TTC17: variants seen among roughly 807,000 people sequenced by gnomAD.
The protein encoded by TTC17 is tetratricopeptide repeat domain 17, also known as tetratricopeptide repeat protein 17.
Under a neutral mutation model 143.8 loss-of-function variants are expected in TTC17, and 58 were observed. That is an observed-to-expected ratio of 0.40 (90% CI 0.33 to 0.50). TTC17 has a LOEUF of 0.50. TTC17 is among the 20% of genes least tolerant of loss of function. The probability of loss-of-function intolerance (pLI) is 0.49; values close to 1 mark genes in which losing one functional copy is unlikely to be tolerated. For missense variants in TTC17, 1,273 were observed against 1,392.5 expected (o/e 0.91, Z 1.37); for synonymous variants, 501 against 497.8 (o/e 1.01, Z -0.09).
chr11:43,493,323 C>A (rs1334324518), intron 23 of TTC17, among the ~76,000 whole-genome samples: 1 of 152,142 alleles, frequency 6.6e-6, no homozygotes, highest in African/African-American at 2.4e-5. Flanking sequence ...TTCCGTCTTT[C>A]CAGCTACATT....
intron 1 of TTC17, among the ~76,000 whole-genome samples, chr11:43,376,040 G>T (rs971358506): frequency 1.3e-5 from 2 of 152,050 alleles, no homozygotes; most frequent in Non-Finnish European, 2.9e-5. Flanking sequence ...ATATATAATT[G>T]GATACATGTA....
chr11:43,412,799 T>G (rs559833034), intron 15 of TTC17, among the ~76,000 whole-genome samples: 1 of 152,248 alleles, frequency 6.6e-6, no homozygotes, highest in South Asian at 2.1e-4. Flanking sequence ...GATACTCAAC[T>G]TGTAAAGGGA....
At chr11:43,420,653 G>T (rs896910041) in intron 16 of TTC17, among the ~76,000 whole-genome samples, 3 of 152,082 alleles carry the variant, frequency 2.0e-5, no homozygotes, top group African/African-American at 7.2e-5. Flanking sequence ...GGATACTTTT[G>T]GTTTTTATAA....
chr11:43,460,889 G>C (rs1947853046), intron 21 of TTC17, among the ~76,000 whole-genome samples: 1 of 152,154 alleles, frequency 6.6e-6, no homozygotes, highest in African/African-American at 2.4e-5. Flanking sequence ...AGGCCTCTTA[G>C]AGCCTGTGCA....
chr11:43,394,410 T>C (rs1857502679), intron 5 of TTC17, among the ~76,000 whole-genome samples: 2 of 152,302 alleles, frequency 1.3e-5, no homozygotes, highest in Non-Finnish European at 1.5e-5. Flanking sequence ...CAACTGGAAA[T>C]AGACCTGTTA....
At chr11:43,485,461 G>A (rs2134477514) in intron 21 of TTC17, among the ~76,000 whole-genome samples, 1 of 152,078 alleles carries the variant, frequency 6.6e-6, no homozygotes, top group African/African-American at 2.4e-5. Context: ...TCTTCTTAAA[G>A]GAGACACAAA....
At chr11:43,424,381 A>C (rs1286875395) in intron 16 of TTC17, among the ~76,000 whole-genome samples, 1 of 151,948 alleles carries the variant, frequency 6.6e-6, no homozygotes, top group African/African-American at 2.4e-5. Flanking sequence ...GGTGTGAGCC[A>C]CTGTGCCCGG....
In TTC17 at chr11:43,397,536, T is replaced by C. The variant is rs144311016; in HGVS notation, c.918+45T>C. The C allele has an allele frequency of 8.2e-4, 1,179 of 1,438,264 alleles. 3 individuals carry two copies. In the African/African-American group the frequency reaches 0.018, roughly 22 times the overall value. 89.1% of individuals were successfully genotyped at this position (1,438,264 alleles called of 1,614,324 possible). Reference sequence around the variant, plus strand: ...TCATGAGTCATGCTAGTTGCCACTTTCTTTTTTTTTTTTTTTTCTCCCCCC... The same window carrying C: ...TCATGAGTCATGCTAGTTGCCACTTCCTTTTTTTTTTTTTTTTCTCCCCCC... On this transcript the variant is annotated intron_variant, in intron 7 of 23. Transcript: ENST00000039989.
intron 1 of TTC17, among the ~76,000 whole-genome samples, chr11:43,364,637 CTCAT>C (rs1278113495): frequency 6.6e-6 from 1 of 152,106 alleles, no homozygotes; most frequent in Non-Finnish European, 1.5e-5. Flanking sequence ...CAAAATGATT[CTCAT>C]TCAGTCCATT....
chr11:43,489,542 A>G (rs973561659), intron 21 of TTC17, among the ~76,000 whole-genome samples: 3 of 152,198 alleles, frequency 2.0e-5, no homozygotes, highest in Admixed American at 6.5e-5. Flanking sequence ...GTTCGAGACC[A>G]GCCTGGCCAA....
intron 1 of TTC17, among the ~76,000 whole-genome samples, chr11:43,366,369 G>A (rs1856343402): frequency 6.6e-6 from 1 of 151,926 alleles, no homozygotes; most frequent in South Asian, 2.1e-4. Flanking sequence ...AGCCGGGCAT[G>A]GTGGTGCGCA....
At position 43,435,202 on chromosome 11, in the gene TTC17, G is replaced by A. The variant is rs538106076; in HGVS notation, c.2252-8123G>A. ...TGTGTTTGAATGTTCTGGTAAAGGA[G>A]AACAGCTACTTACACACTCTTAACC... On this transcript the variant is annotated intron_variant, in intron 16 of 23. Coordinates refer to ENST00000039989, the MANE Select transcript of TTC17 (RefSeq NM_018259.6). 2.6e-5 allele frequency: 4 copies of A among 152,202 alleles called. No individual in the cohort carries two copies. In the South Asian group the frequency reaches 8.3e-4, roughly 32 times the overall value. The allele number at this position is 152,202 out of a possible 1,614,324, so 9.4% of individuals were successfully genotyped here.
At chr11:43,477,697 G>A (rs1300239983) in intron 21 of TTC17, among the ~76,000 whole-genome samples, 1 of 152,084 alleles carries the variant, frequency 6.6e-6, no homozygotes, top group Admixed American at 6.6e-5. Context: ...GGGAATTCTG[G>A]GAAATACAAT....
chr11:43,431,229 A>G (rs1232582097), intron 16 of TTC17, among the ~76,000 whole-genome samples: 1 of 152,184 alleles, frequency 6.6e-6, no homozygotes, highest in Non-Finnish European at 1.5e-5. Flanking sequence ...ACTGCAGTAA[A>G]CATACGTGTG....
At chr11:43,456,195 C>T (rs112717065) in intron 21 of TTC17, among the ~76,000 whole-genome samples, 7,374 of 151,818 alleles carry the variant, frequency 0.049, 211 homozygotes, top group South Asian at 0.1. Flanking sequence ...CACACACACA[C>T]ACACACACAC....
chr11:43,487,284 TAC>T (rs1057201422), intron 21 of TTC17, among the ~76,000 whole-genome samples: 1 of 152,064 alleles, frequency 6.6e-6, no homozygotes, highest in African/African-American at 2.4e-5. Context: ...TAGCTGGGAT[TAC>T]ACACACCTGC....
At position 43,359,156 on chromosome 11, in the gene TTC17, C is replaced by T. The variant is rs1214153215; in HGVS notation, c.159+43C>T. 14 of 1,526,790 alleles carry T rather than the reference C, an allele frequency of 9.2e-6. No homozygotes were observed. The South Asian group carries it at 9.9e-5, about 11-fold the overall frequency. The allele number at this position is 1,526,790 out of a possible 1,614,324, so 94.6% of individuals were successfully genotyped here. On this transcript the variant is annotated intron_variant, in intron 1 of 23. Coordinates refer to ENST00000039989, the MANE Select transcript of TTC17 (RefSeq NM_018259.6). ...CCTCTTCTCCCGTGCCCGCCCTCGC[C>T]CCGGGGGGATTACCCTGCTTGGCCC...
intron 21 of TTC17, among the ~76,000 whole-genome samples, chr11:43,453,545 T>C (rs1466551084): frequency 6.6e-6 from 1 of 152,186 alleles, no homozygotes; most frequent in South Asian, 2.1e-4. Flanking sequence ...CACAGACAAA[T>C]TGCCATTAAC....
At position 43,433,406 on chromosome 11, in the gene TTC17, T is replaced by TA. The variant is rs553731017; in HGVS notation, c.2252-9918dup. Among the ~76,000 whole-genome samples, 1,168 of 152,304 alleles carry TA rather than the reference T, an allele frequency of 7.7e-3. 3 individuals are homozygous for TA. Among genetic ancestry groups the TA allele is most frequent in the Non-Finnish European group, 0.012 (797 of 68,022 alleles). ...CATTTTGATGCCTACTTCCAAGAAA[T>TA]ACCCTAACATAAACCTCTTACTCTT... is the stretch of plus-strand genomic sequence containing the variant. On this transcript the variant is annotated intron_variant, in intron 16 of 23. Transcript: ENST00000039989.
Sources: allele counts gnomAD v4.1 joint callset (sites outside exome capture counted in the v4.1 genomes callset), GRCh38; gene constraint gnomAD v4.1.1; transcripts MANE v1.5; gene names NCBI Gene and HGNC (gene_info 2026-07-23, HGNC 2026-07-21).